PTPRD: variants seen among roughly 807,000 people sequenced by gnomAD.
PTPRD encodes protein tyrosine phosphatase receptor type D, also known as receptor-type tyrosine-protein phosphatase delta.
In PTPRD, 34 loss-of-function variants were observed where a neutral mutation model predicts 214.5. The ratio of observed to expected loss-of-function variants is 0.16; its 90% CI spans 0.12 to 0.21. PTPRD has a LOEUF of 0.21. Ranked by LOEUF, PTPRD falls within the 10% of genes least tolerant of loss-of-function variation. The pLI is 1.00. For missense variants in PTPRD, 2,545 were observed against 2,398.7 expected, an observed-to-expected ratio of 1.06 and a Z score of -1.27; for synonymous variants, 1,128 against 845.7, an observed-to-expected ratio of 1.33 and a Z score of -5.79.
intron 2 of PTPRD, among the ~76,000 whole-genome samples, chr9:10,352,777 TG>T (rs1401961875): frequency 5.9e-5 from 9 of 152,030 alleles, no homozygotes; most frequent in Admixed American, 2.0e-4. Context: ...GTTGTGTAAA[TG>T]ACTAAAGGTA....
intron 2 of PTPRD, among the ~76,000 whole-genome samples, chr9:10,536,402 C>T (rs191485355): frequency 1.3e-5 from 2 of 152,144 alleles, no homozygotes; most frequent in Admixed American, 6.6e-5. Context: ...TGTTCTGCTG[C>T]TGTTGACTCA....
chr9:9,009,221 T>A (rs2099497083), intron 11 of PTPRD, among the ~76,000 whole-genome samples: 1 of 152,086 alleles, frequency 6.6e-6, no homozygotes, highest in African/African-American at 2.4e-5. Context: ...AGCATCAAAA[T>A]CTTACCAAAA....
At chr9:10,571,728 G>A (rs1033960485) in intron 2 of PTPRD, among the ~76,000 whole-genome samples, 2 of 152,262 alleles carry the variant, frequency 1.3e-5, no homozygotes, top group East Asian at 1.9e-4. Flanking sequence ...GGGGCAGGGG[G>A]ATGGATTCCA....
At chr9:10,529,760 T>C (rs1420999783) in intron 2 of PTPRD, among the ~76,000 whole-genome samples, 2 of 151,370 alleles carry the variant, frequency 1.3e-5, no homozygotes, top group East Asian at 2.0e-4. Context: ...TGCAGGGACA[T>C]GGATGAAGCT....
intron 2 of PTPRD, among the ~76,000 whole-genome samples, chr9:10,578,819 CA>C (rs1225970631): frequency 6.6e-6 from 1 of 152,124 alleles, no homozygotes; most frequent in Non-Finnish European, 1.5e-5. Context: ...GGGGTACAAA[CA>C]ATCCCGTCAT....
intron 3 of PTPRD, among the ~76,000 whole-genome samples, chr9:10,277,802 A>G (rs777258196): frequency 4.6e-5 from 7 of 152,148 alleles, no homozygotes; most frequent in Non-Finnish European, 1.0e-4. Context: ...TCCTTCCCCA[A>G]GGAGATTCTG....
At chr9:9,909,866 T>C (rs942022308) in intron 5 of PTPRD, among the ~76,000 whole-genome samples, 1 of 151,886 alleles carries the variant, frequency 6.6e-6, no homozygotes, top group African/African-American at 2.4e-5. Context: ...TTCCCTAACA[T>C]GCAGCTAGCT....
chr9:9,749,795 A>G (rs947643575), intron 6 of PTPRD, among the ~76,000 whole-genome samples: 8 of 152,210 alleles, frequency 5.3e-5, no homozygotes, highest in African/African-American at 1.9e-4. Context: ...AACAACTCTC[A>G]GGTTAGTCAC....
intron 3 of PTPRD, among the ~76,000 whole-genome samples, chr9:10,337,876 G>C (rs1025995667): frequency 2.6e-5 from 4 of 151,480 alleles, no homozygotes; most frequent in Non-Finnish European, 5.9e-5. Context: ...CCATGCTTTT[G>C]ATCTCCTTGC....
chr9:10,452,025 C>T (rs1172752162), intron 2 of PTPRD, among the ~76,000 whole-genome samples: 1 of 151,978 alleles, frequency 6.6e-6, no homozygotes, highest in African/African-American at 2.4e-5. Context: ...AAATTCCTTA[C>T]ACTTCTTATT....
At chr9:10,195,095 G>T (rs1189635692) in intron 3 of PTPRD, among the ~76,000 whole-genome samples, 4 of 130,754 alleles carry the variant, frequency 3.1e-5, no homozygotes, top group Non-Finnish European at 6.7e-5. Flanking sequence ...ACCATACCCG[G>T]CTATTTTTTT....
chr9:9,493,309 C>T (rs2096006049), intron 8 of PTPRD, among the ~76,000 whole-genome samples: 1 of 152,082 alleles, frequency 6.6e-6, no homozygotes. Flanking sequence ...TTGTGGAGAA[C>T]TTCTGCTCAG....
At chr9:9,767,400 A>G (rs1174586) in intron 5 of PTPRD, among the ~76,000 whole-genome samples, 29,079 of 151,920 alleles carry the variant, frequency 0.19, 4,430 homozygotes, top group African/African-American at 0.4. Context: ...ATAGATTTAA[A>G]TATGTTCTAA....
At chr9:9,505,320 T>A (rs1391754782) in intron 8 of PTPRD, among the ~76,000 whole-genome samples, 10 of 151,610 alleles carry the variant, frequency 6.6e-5, no homozygotes. Flanking sequence ...TCATTTCATA[T>A]CGTCACGTCA....
chr9:10,199,902 C>T lies in PTPRD; in HGVS notation c.-545+141061G>A, dbSNP rs993568938. On this transcript the variant is annotated intron_variant, in intron 3 of 45. Transcript: ENST00000381196. ...TAACACAAGTACATGGGCACTCGCG[C>T]GCACACACGCACACACACACACACA... is the stretch of plus-strand genomic sequence containing the variant. 4.0e-5 allele frequency among the ~76,000 whole-genome samples: 6 copies of T among 149,042 alleles called. No individual in the cohort carries two copies. In the East Asian group the frequency reaches 6.1e-4, roughly 15 times the overall value.
intron 9 of PTPRD, among the ~76,000 whole-genome samples, chr9:9,273,142 C>A (rs1285536302): frequency 1.3e-5 from 2 of 151,176 alleles, no homozygotes; most frequent in Non-Finnish European, 3.0e-5. Context: ...TGTTAAGTGA[C>A]CATGCTTATT....
chr9:8,595,952 T>C (rs2094453570), intron 14 of PTPRD, among the ~76,000 whole-genome samples: 1 of 152,216 alleles, frequency 6.6e-6, no homozygotes, highest in Non-Finnish European at 1.5e-5. Context: ...TATGCCATTG[T>C]ATATCGCTAC....
intron 2 of PTPRD, among the ~76,000 whole-genome samples, chr9:10,342,697 C>T (rs1384741476): frequency 6.6e-6 from 1 of 151,974 alleles, no homozygotes; most frequent in Non-Finnish European, 1.5e-5. Flanking sequence ...TAATAAATTC[C>T]AGCATATACC....
At chr9:9,051,086 G>C (rs1343919981) in intron 10 of PTPRD, among the ~76,000 whole-genome samples, 2 of 151,880 alleles carry the variant, frequency 1.3e-5, no homozygotes, top group Non-Finnish European at 2.9e-5. Context: ...AATTTTTCTA[G>C]GCTATTATAT....
Sources: allele counts gnomAD v4.1 joint callset (sites outside exome capture counted in the v4.1 genomes callset), GRCh38; gene constraint gnomAD v4.1.1; transcripts MANE v1.5; gene names NCBI Gene and HGNC (gene_info 2026-07-23, HGNC 2026-07-21).